Variants in RNLS observed in about 807,000 individuals in gnomAD.
RNLS encodes renalase.
Under a neutral mutation model 39.8 loss-of-function variants are expected in RNLS, and 39 were observed. The ratio of observed to expected loss-of-function variants is 0.98; its 90% CI spans 0.76 to 1.28. The LOEUF is 1.28. Among genes scored for constraint, RNLS ranks in the 50% most tolerant of loss-of-function variants. The pLI, the probability that RNLS is intolerant of heterozygous loss-of-function variation, is 0.00. For synonymous variants in RNLS, 147 were observed against 150.7 expected, an observed-to-expected ratio of 0.98 and a Z score of 0.18; for missense variants, 410 against 413.3, an observed-to-expected ratio of 0.99 and a Z score of 0.07.
chr10:88,452,339 T>C (rs1230970756), intron 4 of RNLS, among the ~76,000 whole-genome samples: 1 of 152,196 alleles, frequency 6.6e-6, no homozygotes, highest in Non-Finnish European at 1.5e-5. Flanking sequence ...ACATTGAAGG[T>C]ACACATAAAT....
At chr10:88,353,321 C>A (rs1244791820) in intron 5 of RNLS, among the ~76,000 whole-genome samples, 3 of 152,150 alleles carry the variant, frequency 2.0e-5, no homozygotes, top group Non-Finnish European at 2.9e-5. Flanking sequence ...AATTTTAGAT[C>A]TTTCCTGCTT....
intron 4 of RNLS, among the ~76,000 whole-genome samples, chr10:88,534,911 T>C (rs1266280365): frequency 1.3e-5 from 2 of 152,114 alleles, no homozygotes; most frequent in Admixed American, 6.6e-5. Context: ...TTAGTAGCAG[T>C]GTGACTTGAG....
At chr10:88,355,181 A>T (rs1382249840) in intron 5 of RNLS, among the ~76,000 whole-genome samples, 1 of 152,114 alleles carries the variant, frequency 6.6e-6, no homozygotes, top group East Asian at 1.9e-4. Context: ...AGCTTGGAGA[A>T]GTTTGATCAT....
chr10:88,303,128 A>T (rs1185934103), intron 6 of RNLS, among the ~76,000 whole-genome samples: 4 of 152,222 alleles, frequency 2.6e-5, no homozygotes, highest in African/African-American at 9.6e-5. Context: ...TGCTCTCACC[A>T]TAGGCCTGTG....
intron 4 of RNLS, among the ~76,000 whole-genome samples, chr10:88,419,909 C>G (rs1000537798): frequency 6.6e-6 from 1 of 151,946 alleles, no homozygotes; most frequent in Non-Finnish European, 1.5e-5. Context: ...ACTCTGGAGG[C>G]TGAGGCAGGT....
At chr10:88,305,586 C>A (rs1344415606) in intron 6 of RNLS, among the ~76,000 whole-genome samples, 1 of 152,078 alleles carries the variant, frequency 6.6e-6, no homozygotes, top group Admixed American at 6.6e-5. Flanking sequence ...AAAAGAAGGG[C>A]ATTACATAAT....
intron 4 of RNLS, among the ~76,000 whole-genome samples, chr10:88,477,086 G>A (rs1268948078): frequency 1.3e-5 from 2 of 150,594 alleles, no homozygotes; most frequent in Admixed American, 1.3e-4. Flanking sequence ...CAAAACAAGA[G>A]TAATTCAAGC....
At chr10:88,437,241 G>A (rs577372163) in intron 4 of RNLS, among the ~76,000 whole-genome samples, 71 of 152,230 alleles carry the variant, frequency 4.7e-4, no homozygotes, top group African/African-American at 1.7e-3. Flanking sequence ...GAGAGAAGGC[G>A]GGAAGTCATC....
the RNLS span, among the ~76,000 whole-genome samples, chr10:88,188,493 C>T: frequency 6.0e-4 from 92 of 152,324 alleles, no homozygotes; most frequent in African/African-American, 2.1e-3. Flanking sequence ...GACTATTATA[C>T]TACAGGTGAT....
chr10:88,268,193 A>G, the RNLS span, among the ~76,000 whole-genome samples: 3 of 152,148 alleles, frequency 2.0e-5, no homozygotes, highest in South Asian at 2.1e-4. Flanking sequence ...AAGGCTTCTC[A>G]ATGGTGGCGC....
intron 4 of RNLS, among the ~76,000 whole-genome samples, chr10:88,410,916 T>C (rs1322289162): frequency 6.6e-6 from 1 of 152,162 alleles, no homozygotes; most frequent in Non-Finnish European, 1.5e-5. Context: ...ATTGAGGTAC[T>C]TCAAGGGAAT....
chr10:88,451,862 A>G (rs1389853952), intron 4 of RNLS, among the ~76,000 whole-genome samples: 1 of 152,182 alleles, frequency 6.6e-6, no homozygotes, highest in Non-Finnish European at 1.5e-5. Context: ...CTTTTCTCTG[A>G]TGCTAGGTTG....
chr10:88,456,487 C>T (rs7077182), intron 4 of RNLS, among the ~76,000 whole-genome samples: 3 of 151,844 alleles, frequency 2.0e-5, no homozygotes, highest in African/African-American at 4.8e-5. Flanking sequence ...AACGCAAAAC[C>T]AAAGTTACAC....
chr10:88,237,822 G>T, the RNLS span, among the ~76,000 whole-genome samples: 1 of 152,144 alleles, frequency 6.6e-6, no homozygotes, highest in Admixed American at 6.5e-5. Context: ...ACCAAAAAAA[G>T]TAATTAAATA....
chr10:88,433,475 T>C (rs1260317150), intron 4 of RNLS, among the ~76,000 whole-genome samples: 2 of 152,102 alleles, frequency 1.3e-5, no homozygotes, highest in Non-Finnish European at 1.5e-5. Context: ...CGAATTATCA[T>C]AATTTAGATA....
the RNLS span, among the ~76,000 whole-genome samples, chr10:88,181,702 G>A: frequency 1.3e-5 from 2 of 152,116 alleles, no homozygotes; most frequent in South Asian, 2.1e-4. Flanking sequence ...GTGCATTGCC[G>A]AATTTAAGGA....
chr10:88,254,638 C>T, the RNLS span, among the ~76,000 whole-genome samples: 1 of 152,136 alleles, frequency 6.6e-6, no homozygotes, highest in Non-Finnish European at 1.5e-5. Flanking sequence ...AAGCAAGAGT[C>T]CAAACTAATT....
the RNLS span, among the ~76,000 whole-genome samples, chr10:88,240,176 C>T: frequency 1.3e-5 from 2 of 152,196 alleles, no homozygotes; most frequent in Non-Finnish European, 2.9e-5. Flanking sequence ...TATATACTTA[C>T]AAGGTAACCA....
At chr10:88,322,558 T>C (rs1043881545) in intron 5 of RNLS, among the ~76,000 whole-genome samples, 8 of 152,180 alleles carry the variant, frequency 5.3e-5, no homozygotes, top group South Asian at 4.1e-4. Flanking sequence ...TGTGCTGCCA[T>C]GTAAGAAGTG....
Sources: allele counts gnomAD v4.1 joint callset (sites outside exome capture counted in the v4.1 genomes callset), GRCh38; gene constraint gnomAD v4.1.1; transcripts MANE v1.5; gene names NCBI Gene and HGNC (gene_info 2026-07-23, HGNC 2026-07-21).